ADAM23: variants seen among roughly 807,000 people sequenced by gnomAD.
The protein encoded by ADAM23 is disintegrin and metalloproteinase domain-containing protein 23.
A neutral mutation model predicts 120.1 loss-of-function variants in ADAM23; 33 were observed. That is an observed-to-expected ratio of 0.27 (90% CI 0.21 to 0.37). ADAM23 has a LOEUF of 0.37. ADAM23 is among the 10% of genes least tolerant of loss of function. ADAM23 has a pLI of 1.00. For missense variants in ADAM23, 862 were observed against 1,058.2 expected (o/e 0.81, Z 2.57); for synonymous variants, 367 against 375.2 (o/e 0.98, Z 0.25).
At position 206,571,881 on chromosome 2, in the gene ADAM23, C is replaced by T; in HGVS notation, c.1656+65C>T. 2.9e-6 allele frequency: 4 copies of T among 1,402,918 alleles called. No homozygotes were observed. In the South Asian group the frequency reaches 4.7e-5, roughly 16 times the overall value. The allele number at this position is 1,402,918 out of a possible 1,614,324, so 86.9% of individuals were successfully genotyped here. Reference sequence around the variant, plus strand: ...GATTAGCCAGATATCTCAGTGTGTACACTGAGCATTTGTGTAGCTTGTCAC... The same window carrying T: ...GATTAGCCAGATATCTCAGTGTGTATACTGAGCATTTGTGTAGCTTGTCAC... On this transcript the variant is annotated intron_variant, in intron 17 of 25. Coordinates refer to ENST00000264377, the MANE Select transcript of ADAM23 (RefSeq NM_003812.4).
At chr2:206,483,765 G>A (rs1454207466) in intron 3 of ADAM23, among the ~76,000 whole-genome samples, 4 of 152,166 alleles carry the variant, frequency 2.6e-5, no homozygotes, top group South Asian at 2.1e-4. Flanking sequence ...AGCAGTCACC[G>A]GTGGTTGGAA....
intron 25 of ADAM23, among the ~76,000 whole-genome samples, chr2:206,616,331 A>C (rs1209543264): frequency 6.6e-6 from 1 of 152,220 alleles, no homozygotes; most frequent in Non-Finnish European, 1.5e-5. Flanking sequence ...ATGATGAAGA[A>C]AAGTAAACAG....
chr2:206,506,984 G>T (rs1314996387), intron 3 of ADAM23, among the ~76,000 whole-genome samples: 1 of 152,192 alleles, frequency 6.6e-6, no homozygotes, highest in Non-Finnish European at 1.5e-5. Flanking sequence ...ATGGAAAAAG[G>T]TGCTCAGAGG....
chr2:206,518,220 G>A (rs1415352867), intron 3 of ADAM23, among the ~76,000 whole-genome samples: 2 of 152,138 alleles, frequency 1.3e-5, no homozygotes, highest in African/African-American at 4.8e-5. Flanking sequence ...AGGAATGTGT[G>A]TGCTCATAAT....
intron 3 of ADAM23, among the ~76,000 whole-genome samples, chr2:206,481,619 T>C (rs1368850652): frequency 6.6e-6 from 1 of 152,202 alleles, no homozygotes; most frequent in Non-Finnish European, 1.5e-5. Context: ...ATGATAAATT[T>C]ACTGATTCAA....
rs1321411884 is a variant in ADAM23 at position 206,619,948 on chromosome 2, G to A, written c.*2321G>A. 1 of 152,198 alleles carries A rather than the reference G, an allele frequency of 6.6e-6. No individual in the cohort carries two copies. The highest frequency in any genetic ancestry group is 2.4e-5 in the African/African-American group (1 of 41,442). The allele number at this position is 152,198 out of a possible 1,614,324, so 9.4% of individuals were successfully genotyped here. A position where few individuals can be genotyped will look rare whatever the true frequency, so the allele number is the denominator to read the frequency against. On this transcript the variant is annotated 3_prime_UTR_variant, in exon 26 of 26. Transcript: ENST00000264377. ...ACAGGTAGCATCCCTCTAGTCATTG[G>A]CAATGGCTCTTTCAGCTCGGAGGAA...
intron 23 of ADAM23, 110 bp downstream of exon 23, chr2:206,595,015 T>G: frequency 4.2e-6 from 6 of 1,415,172 alleles, no homozygotes; most frequent in Non-Finnish European, 4.8e-6. Flanking sequence ...ACACCATCTC[T>G]ACTAAAAATG....
intron 2 of ADAM23, among the ~76,000 whole-genome samples, chr2:206,480,769 G>A (rs1251252478): frequency 6.6e-6 from 1 of 152,092 alleles, no homozygotes; most frequent in Non-Finnish European, 1.5e-5. Context: ...CCATTTTACT[G>A]TCATATTCTG....
intron 3 of ADAM23, among the ~76,000 whole-genome samples, chr2:206,510,160 T>C (rs1398295557): frequency 6.6e-6 from 1 of 152,240 alleles, no homozygotes; most frequent in African/African-American, 2.4e-5. Flanking sequence ...TAGGAGGAAT[T>C]ATACGTGGAG....
intron 24 of ADAM23, among the ~76,000 whole-genome samples, chr2:206,597,749 G>A (rs1463871756): frequency 6.6e-6 from 1 of 152,138 alleles, no homozygotes; most frequent in African/African-American, 2.4e-5. Context: ...GTAGGAAAAT[G>A]CATATAGGAT....
chr2:206,496,035 C>G (rs921956811), intron 3 of ADAM23, among the ~76,000 whole-genome samples: 3 of 152,110 alleles, frequency 2.0e-5, no homozygotes, highest in Non-Finnish European at 4.4e-5. Flanking sequence ...GACTTAGACT[C>G]CCACACAATA....
chr2:206,530,047 G>T (rs368625853), intron 3 of ADAM23, among the ~76,000 whole-genome samples: 1 of 152,244 alleles, frequency 6.6e-6, no homozygotes. Flanking sequence ...TTGACCTCGT[G>T]ATCCACCCGC....
chr2:206,463,971 T>C (rs754288559), intron 2 of ADAM23, among the ~76,000 whole-genome samples: 1 of 152,222 alleles, frequency 6.6e-6, no homozygotes, highest in Non-Finnish European at 1.5e-5. Flanking sequence ...GCTGCCACTT[T>C]GGGAGAAAGA....
chr2:206,449,781 A>G (rs906808803), intron 2 of ADAM23, among the ~76,000 whole-genome samples: 2 of 150,866 alleles, frequency 1.3e-5, no homozygotes, highest in African/African-American at 2.4e-5. Flanking sequence ...CAAACAAAAA[A>G]CCCCCCTAAA....
chr2:206,598,030 CCTTCTT>C (rs1243250760), intron 24 of ADAM23, among the ~76,000 whole-genome samples: 1 of 152,162 alleles, frequency 6.6e-6, no homozygotes, highest in East Asian at 1.9e-4. Flanking sequence ...TTTCTGTTCT[CCTTCTT>C]CTATTTCTAA....
chr2:206,549,413 A>G (rs978876912), intron 8 of ADAM23, among the ~76,000 whole-genome samples: 4 of 151,958 alleles, frequency 2.6e-5, no homozygotes, highest in Non-Finnish European at 4.4e-5. Flanking sequence ...TACATAAAGA[A>G]AAAAGAGCCA....
At chr2:206,477,307 G>A (rs1012758821) in intron 2 of ADAM23, among the ~76,000 whole-genome samples, 1 of 152,168 alleles carries the variant, frequency 6.6e-6, no homozygotes, top group East Asian at 1.9e-4. Context: ...CAGTGAAGGA[G>A]GTTTGTGTAT....
intron 2 of ADAM23, among the ~76,000 whole-genome samples, chr2:206,461,270 C>G (rs1319984385): frequency 6.6e-6 from 1 of 152,070 alleles, no homozygotes; most frequent in Non-Finnish European, 1.5e-5. Flanking sequence ...CCATGTTGGT[C>G]AGGCTGGTCT....
In ADAM23 at chr2:206,559,976, A is replaced by G. The variant is rs1238446324; in HGVS notation, c.1027A>G (p.Thr343Ala). The change falls in exon 11 of 26, where the codon ACC (threonine) becomes GCC (alanine). Residue 343 changes from threonine (T) to alanine (A), a missense_variant. Transcript: ENST00000264377. ...VDSIYKEQLN[T>A]RVVLVAVETW... is the part of the protein sequence containing the mutation. ...TCAGATTTACAAGGAGCAGCTCAAC[A>G]CCAGGGTTGTCCTGGTGGCTGTAGA... 1.2e-6 allele frequency: 2 copies of G among 1,613,854 alleles called. No individual in the cohort carries two copies. The highest frequency in any genetic ancestry group is 2.2e-5 in the East Asian group (1 of 44,862).
Sources: allele counts gnomAD v4.1 joint callset (sites outside exome capture counted in the v4.1 genomes callset), GRCh38; gene constraint gnomAD v4.1.1; transcripts MANE v1.5; gene names NCBI Gene and HGNC (gene_info 2026-07-23, HGNC 2026-07-21).